NEO1: variants seen among roughly 807,000 people sequenced by gnomAD.
NEO1 encodes the protein neogenin.
A neutral mutation model predicts 159.7 loss-of-function variants in NEO1; 63 were observed. The ratio of observed to expected loss-of-function variants is 0.39; its 90% CI spans 0.32 to 0.49. The LOEUF (loss-of-function observed/expected upper bound fraction) is 0.49, where lower values mean the gene tolerates loss of function less well. Among genes scored for constraint, NEO1 ranks in the 20% least tolerant of loss-of-function variants. NEO1 has a pLI of 0.85. For missense variants in NEO1, 1,615 were observed against 1,831.0 expected (o/e 0.88, Z 2.15); for synonymous variants, 633 against 662.0 (o/e 0.96, Z 0.67).
rs771529881 is a variant in NEO1, at chr15:73,288,518, A to G, written c.3616A>G (p.Ser1206Gly). The G allele has an allele frequency of 1.5e-5, 24 of 1,614,094 alleles. No homozygotes were observed. Among genetic ancestry groups the G allele is most frequent in the Non-Finnish European group, 2.0e-5 (24 of 1,180,030 alleles). The change falls in exon 24 of 29, where the codon AGC (serine) becomes GGC (glycine). Residue 1206 changes from serine to glycine, a missense_variant. Ser to Gly is a moderately conservative substitution (Grantham distance 56, BLOSUM62 0). Transcript: ENST00000261908. ...DITPVDNSMD[S>G]NIHQRRNSYR... ...CACACCAGTTGACAACTCCATGGAC[A>G]GCAATATCCATCAAAGGCGAAATTC...
intron 25 of NEO1, among the ~76,000 whole-genome samples, chr15:73,290,457 T>C (rs2042122539): frequency 6.6e-6 from 1 of 151,952 alleles, no homozygotes; most frequent in Non-Finnish European, 1.5e-5. Context: ...GGTCTCAAAC[T>C]CCTGACCTCA....
intron 23 of NEO1, among the ~76,000 whole-genome samples, chr15:73,285,672 A>G (rs1351617928): frequency 6.6e-6 from 1 of 152,176 alleles, no homozygotes; most frequent in East Asian, 1.9e-4. Context: ...TACAACCTCA[A>G]AGTTGATAGA....
chr15:73,262,561 T>C (rs2040667806), intron 15 of NEO1, among the ~76,000 whole-genome samples: 4 of 152,124 alleles, frequency 2.6e-5, no homozygotes, highest in Admixed American at 2.6e-4. Context: ...GAAATGCTAT[T>C]GCACACCCGC....
chr15:73,199,355 C>G (rs1209219293), intron 7 of NEO1, among the ~76,000 whole-genome samples: 1 of 151,796 alleles, frequency 6.6e-6, no homozygotes, highest in Non-Finnish European at 1.5e-5. Context: ...TCAGATTTCT[C>G]CACCATAAAG....
At chr15:73,214,732 C>A (rs1445115703) in intron 7 of NEO1, among the ~76,000 whole-genome samples, 1 of 151,988 alleles carries the variant, frequency 6.6e-6, no homozygotes, top group East Asian at 1.9e-4. Flanking sequence ...GTTCTTTTTG[C>A]TTAGTCTTGC....
At chr15:73,112,060 T>G (rs2071027120) in intron 1 of NEO1, among the ~76,000 whole-genome samples, 1 of 152,180 alleles carries the variant, frequency 6.6e-6, no homozygotes, top group African/African-American at 2.4e-5. Context: ...CAGTAACCAG[T>G]AGTAACAACC....
At chr15:73,055,476 GATTA>G (rs1366931278) in intron 1 of NEO1, among the ~76,000 whole-genome samples, 1 of 151,964 alleles carries the variant, frequency 6.6e-6, no homozygotes, top group Non-Finnish European at 1.5e-5. Flanking sequence ...TCTCTTCTCT[GATTA>G]ATTCTTCATT....
intron 7 of NEO1, among the ~76,000 whole-genome samples, chr15:73,206,841 G>T (rs942290486): frequency 1.3e-4 from 19 of 151,582 alleles, no homozygotes; most frequent in Non-Finnish European, 2.5e-4. Flanking sequence ...GTGTATGTGT[G>T]TGTGTGCGTG....
intron 1 of NEO1, among the ~76,000 whole-genome samples, chr15:73,105,818 G>T (rs939888493): frequency 6.6e-6 from 1 of 152,108 alleles, no homozygotes; most frequent in African/African-American, 2.4e-5. Context: ...ATCTCATCAG[G>T]ATGTTTATGA....
At chr15:73,134,626 C>T (rs1401144643) in intron 4 of NEO1, among the ~76,000 whole-genome samples, 1 of 151,432 alleles carries the variant, frequency 6.6e-6, no homozygotes, top group Non-Finnish European at 1.5e-5. Context: ...TCTTGGCTTA[C>T]TGCAACCTCC....
chr15:73,087,901 A>G (rs528879980), intron 1 of NEO1, among the ~76,000 whole-genome samples: 22 of 152,186 alleles, frequency 1.4e-4, no homozygotes, highest in African/African-American at 4.8e-4. Flanking sequence ...TGGATATGCC[A>G]TAATTTTACA....
At chr15:73,209,535 A>C (rs776083099) in intron 7 of NEO1, among the ~76,000 whole-genome samples, 1 of 152,118 alleles carries the variant, frequency 6.6e-6, no homozygotes, top group Non-Finnish European at 1.5e-5. Flanking sequence ...AGCTCTTTGC[A>C]ATGGAGGAAA....
chr15:73,126,586 C>G lies in NEO1; in HGVS notation c.878+16C>G, dbSNP rs964460613. On this transcript the variant is annotated intron_variant, in intron 4 of 28. Transcript: ENST00000261908. ...ACACAGAAAGGTAAGTGTTGTCTGC[C>G]TAAAAGCCTTCTTCAGCCTTAGCTT... 2.5e-6 allele frequency: 4 copies of G among 1,606,236 alleles called. No individual in the cohort carries two copies. In the African/African-American group the frequency reaches 5.4e-5, roughly 22 times the overall value.
intron 7 of NEO1, among the ~76,000 whole-genome samples, chr15:73,230,259 A>T (rs2038830717): frequency 6.6e-6 from 1 of 152,066 alleles, no homozygotes; most frequent in Non-Finnish European, 1.5e-5. Context: ...TTTTTTCTTG[A>T]TAGATTTGGC....
rs1313035012 is a variant in NEO1 at position 73,293,449 on chromosome 15, A to G, written c.3802A>G (p.Ser1268Gly). The change falls in exon 26 of 29, where the codon AGC becomes GGC. Residue 1268 changes from serine to glycine, a missense_variant. By Grantham distance (56) the Ser-to-Gly change is moderately conservative. Transcript: ENST00000261908. ...TAACCCTCACCATCATTTCCACTCC[A>G]GCAGCCTCGCTTCTCCAGCTCGCAG... ...LDNPHHHFHS[S>G]SLASPARSHL... 6.2e-7 allele frequency: 1 copy of G among 1,614,196 alleles called. No homozygotes were observed. Among genetic ancestry groups the G allele is most frequent in the South Asian group, 1.1e-5 (1 of 91,084 alleles).
At chr15:73,192,400 T>C (rs1200128839) in intron 7 of NEO1, among the ~76,000 whole-genome samples, 2 of 152,058 alleles carry the variant, frequency 1.3e-5, no homozygotes, top group Admixed American at 1.3e-4. Context: ...TGATCTATAC[T>C]TCTCAGACTA....
chr15:73,113,364 A>G (rs1334048685), intron 1 of NEO1, among the ~76,000 whole-genome samples: 1 of 152,166 alleles, frequency 6.6e-6, no homozygotes, highest in Non-Finnish European at 1.5e-5. Flanking sequence ...TATGTAATCT[A>G]AAGATTAGTG....
At chr15:73,268,817 G>C (rs2151026395) in intron 16 of NEO1, among the ~76,000 whole-genome samples, 1 of 152,306 alleles carries the variant, frequency 6.6e-6, no homozygotes, top group Admixed American at 6.5e-5. Flanking sequence ...CAGAGAAGGT[G>C]TCTGTTGTAT....
chr15:73,062,381 A>C (rs2068021318), intron 1 of NEO1, among the ~76,000 whole-genome samples: 1 of 152,234 alleles, frequency 6.6e-6, no homozygotes, highest in South Asian at 2.1e-4. Flanking sequence ...ATTTATAAAT[A>C]TAGATAATAC....
Sources: allele counts gnomAD v4.1 joint callset (sites outside exome capture counted in the v4.1 genomes callset), GRCh38; gene constraint gnomAD v4.1.1; transcripts MANE v1.5; gene names NCBI Gene and HGNC (gene_info 2026-07-23, HGNC 2026-07-21).